The following ATP2B3 variants were observed in gnomAD, a reference collection of about 807,000 sequenced individuals.
ATP2B3 encodes plasma membrane calcium-transporting ATPase 3.
In ATP2B3, 12 loss-of-function variants were observed where a neutral mutation model predicts 70.8. That is an observed-to-expected ratio of 0.17 (90% CI 0.11 to 0.27). The LOEUF (loss-of-function observed/expected upper bound fraction) is 0.27, where lower values mean the gene tolerates loss of function less well. Among genes scored for constraint, ATP2B3 ranks in the 10% least tolerant of loss-of-function variants. The pLI, the probability that ATP2B3 is intolerant of heterozygous loss-of-function variation, is 1.00. For missense variants in ATP2B3, 858 were observed against 1,118.5 expected, an observed-to-expected ratio of 0.77 and a Z score of 3.32; for synonymous variants, 460 against 497.8, an observed-to-expected ratio of 0.92 and a Z score of 1.01.
chrX:153,554,962 T>G (rs1451370195), intron 13 of ATP2B3, among the ~76,000 whole-genome samples: 1 of 112,198 alleles, frequency 8.9e-6, no homozygotes, highest in African/African-American at 3.2e-5. Context: ...TTCAGGCTCG[T>G]CACGGCCACT....
At chrX:153,546,729 A>G (rs2124434500) in intron 8 of ATP2B3, among the ~76,000 whole-genome samples, 1 of 113,337 alleles carries the variant, frequency 8.8e-6, no homozygotes, top group South Asian at 3.6e-4. Flanking sequence ...CCAATGCAGC[A>G]GCCAGCTCTA....
intron 21 of ATP2B3, among the ~76,000 whole-genome samples, chrX:153,567,666 C>G (rs2090728877): frequency 8.9e-6 from 1 of 112,340 alleles, no homozygotes; most frequent in African/African-American, 3.2e-5. Context: ...TCCCATCGGT[C>G]AGAGTCTTAG....
chrX:153,526,214 G>A (rs1225291719), intron 2 of ATP2B3, among the ~76,000 whole-genome samples: 2 of 112,397 alleles, frequency 1.8e-5, no homozygotes, highest in Non-Finnish European at 3.8e-5. Context: ...TTCCCAGTGG[G>A]GAGAGCAGGC....
At chrX:153,576,509 C>T (rs782175706) in intron 21 of ATP2B3, among the ~76,000 whole-genome samples, 3 of 111,797 alleles carry the variant, frequency 2.7e-5, no homozygotes, top group South Asian at 7.5e-4. Context: ...CTCGGGCCTC[C>T]TGCAATTTGA....
intron 21 of ATP2B3, among the ~76,000 whole-genome samples, chrX:153,570,294 G>A (rs1036058952): frequency 3.6e-5 from 4 of 112,633 alleles, no homozygotes; most frequent in Non-Finnish European, 7.5e-5. Context: ...GGTTTCCTAA[G>A]GATGCCGCTG....
At chrX:153,553,346 C>T in intron 13 of ATP2B3, 77 bp downstream of exon 13, 1 of 904,132 alleles carries the variant, frequency 1.1e-6, no homozygotes, top group Non-Finnish European at 1.6e-6. Flanking sequence ...GTAGGGGCGG[C>T]CTTCCTTCAC....
intron 21 of ATP2B3, among the ~76,000 whole-genome samples, chrX:153,579,333 G>A (rs1325426247): frequency 8.9e-6 from 1 of 112,741 alleles, no homozygotes; most frequent in Non-Finnish European, 1.9e-5. Context: ...GGAGTTAGCC[G>A]CAGGGAGACC....
In ATP2B3 at chrX:153,580,937, G is replaced by A. The variant is rs1349999386; in HGVS notation, c.*639G>A. The A allele has an allele frequency of 8.9e-6, 1 of 112,924 alleles. No homozygotes were observed. The highest frequency in any genetic ancestry group is 3.2e-5 in the African/African-American group (1 of 30,891). The allele number at this position is 112,924 out of a possible 1,213,427, so 9.3% of individuals were successfully genotyped here. On this transcript the variant is annotated 3_prime_UTR_variant, in exon 22 of 22. Coordinates refer to ENST00000263519, the MANE Select transcript of ATP2B3 (RefSeq NM_001001344.3). ...TGTGTGTGCGTGCATGCACATATGT[G>A]TATGTGTGTGGATCTGTACACACAC...
At chrX:153,551,601 GCTTAGAGATGATGAAAATTTT>G (rs781810814) in intron 12 of ATP2B3, among the ~76,000 whole-genome samples, 269 of 111,903 alleles carry the variant, frequency 2.4e-3, no homozygotes, top group African/African-American at 8.5e-3. Flanking sequence ...TCTTGTTGTT[GCTTAGAGATGATGAAAATTTT>G]CTTAGAGATG....
chrX:153,546,246 C>T lies in ATP2B3; in HGVS notation c.958+117C>T. The T allele has an allele frequency of 5.5e-6, 5 of 902,582 alleles. No homozygotes were observed. In the South Asian group the frequency reaches 1.1e-4, roughly 19 times the overall value. 74.4% of individuals were successfully genotyped at this position (902,582 alleles called of 1,213,427 possible). A position where few individuals can be genotyped will look rare whatever the true frequency, so the allele number is the denominator to read the frequency against. ...CGGTGGCAGGAGCAACACTTGGAGA[C>T]CAGGTGAGTGGGCTGGCTGCACAGT... is the stretch of plus-strand genomic sequence containing the variant. On this transcript the variant is annotated intron_variant, in intron 8 of 21. Coordinates refer to ENST00000263519, the MANE Select transcript of ATP2B3 (RefSeq NM_001001344.3).
intron 2 of ATP2B3, among the ~76,000 whole-genome samples, chrX:153,534,992 C>T (rs6643708): frequency 1.8e-5 from 2 of 112,613 alleles, no homozygotes; most frequent in East Asian, 5.6e-4. Flanking sequence ...GGGTTCAGGG[C>T]CCTGCTGAGC....
chrX:153,562,703 T>C (rs4898359), intron 20 of ATP2B3, among the ~76,000 whole-genome samples: 50,775 of 111,391 alleles, frequency 0.46, 9,085 homozygotes, highest in South Asian at 0.61. Flanking sequence ...GGCAGGTTTC[T>C]AGGACCCCAC....
intron 2 of ATP2B3, among the ~76,000 whole-genome samples, chrX:153,527,672 A>G (rs180859723): frequency 2.3e-4 from 26 of 112,502 alleles, no homozygotes; most frequent in African/African-American, 7.4e-4. Flanking sequence ...TGTGGGAGAC[A>G]GGAGCACTGC....
intron 7 of ATP2B3, among the ~76,000 whole-genome samples, chrX:153,545,203 T>C (rs1557008260): frequency 1.8e-5 from 2 of 112,431 alleles, no homozygotes; most frequent in Non-Finnish European, 3.8e-5. Context: ...TCAGAAGGGG[T>C]GACTGTGCCC....
intron 21 of ATP2B3, among the ~76,000 whole-genome samples, chrX:153,573,147 G>T (rs1557020399): frequency 8.9e-6 from 1 of 112,479 alleles, no homozygotes; most frequent in African/African-American, 3.2e-5. Context: ...GGCCACCGGG[G>T]GTCCCTCCGG....
intron 5 of ATP2B3, 133 bp downstream of exon 5, chrX:153,542,059 GA>G: frequency 4.9e-6 from 3 of 606,971 alleles, no homozygotes; most frequent in East Asian, 6.1e-5. Flanking sequence ...TAGGAGGCGG[GA>G]GGTGGCGGGG....
chrX:153,541,240 C>T (rs1386509133), intron 3 of ATP2B3, 119 bp from the exon 4 acceptor site: 1 of 912,022 alleles, frequency 1.1e-6, no homozygotes, highest in Non-Finnish European at 1.5e-6. Context: ...CCAGACGGCC[C>T]CAGAGGGCTG....
chrX:153,577,772 G>C (rs2090875216), intron 21 of ATP2B3, among the ~76,000 whole-genome samples: 1 of 111,335 alleles, frequency 9.0e-6, no homozygotes, highest in African/African-American at 3.3e-5. Flanking sequence ...GAGCTTTTTG[G>C]CTTACTTTTT....
At chrX:153,524,820 T>C (rs1167533117) in intron 2 of ATP2B3, among the ~76,000 whole-genome samples, 1 of 112,114 alleles carries the variant, frequency 8.9e-6, no homozygotes, top group Non-Finnish European at 1.9e-5. Flanking sequence ...CTTGCTTCTC[T>C]GTCCAGTGGA....
Sources: gnomAD v4.1 joint callset for allele counts (sites outside exome capture counted in the v4.1 genomes callset) on GRCh38, gnomAD v4.1.1 for gene constraint, MANE v1.5 for transcripts, NCBI Gene and HGNC (gene_info 2026-07-23, HGNC 2026-07-21) for gene names.